The following OGDH variants were observed in gnomAD, a reference collection of about 807,000 sequenced individuals.
OGDH encodes 2-oxoglutarate dehydrogenase complex component E1.
OGDH carries 38 observed loss-of-function variants against 116.6 expected under a neutral mutation model. That is an observed-to-expected ratio of 0.33 (90% CI 0.25 to 0.43). The LOEUF is 0.43. Among genes scored for constraint, OGDH ranks in the 20% least tolerant of loss-of-function variants. OGDH has a pLI of 1.00. For synonymous variants in OGDH, 488 were observed against 533.3 expected (o/e 0.92, Z 1.17); for missense variants, 825 against 1,357.2 (o/e 0.61, Z 6.16).
intron 9 of OGDH, among the ~76,000 whole-genome samples, chr7:44,679,975 C>G (rs147112449): frequency 6.6e-6 from 1 of 152,280 alleles, no homozygotes; most frequent in East Asian, 1.9e-4. Context: ...CTTTGGGAGG[C>G]TGAGGCAAGA....
intron 10 of OGDH, among the ~76,000 whole-genome samples, chr7:44,691,602 T>C (rs1203128552): frequency 6.6e-6 from 1 of 151,112 alleles, no homozygotes; most frequent in Non-Finnish European, 1.5e-5. Context: ...AACAAACCTA[T>C]GTCCAACAGC....
chr7:44,618,880 A>G (rs565352818), intron 1 of OGDH, among the ~76,000 whole-genome samples: 52 of 152,360 alleles, frequency 3.4e-4, no homozygotes, highest in African/African-American at 1.2e-3. Context: ...GGAATCCTGC[A>G]CAGAGAGGCC....
chr7:44,706,391 G>C (rs1389445293), intron 20 of OGDH, among the ~76,000 whole-genome samples: 1 of 147,000 alleles, frequency 6.8e-6, no homozygotes, highest in East Asian at 2.0e-4. Flanking sequence ...GCGCATTCTT[G>C]GCTCACCACA....
At chr7:44,613,788 G>A (rs1784659743) in intron 1 of OGDH, among the ~76,000 whole-genome samples, 1 of 144,586 alleles carries the variant, frequency 6.9e-6, no homozygotes, top group Non-Finnish European at 1.5e-5. Context: ...GAGCCACTGG[G>A]CCCAGCCACC....
At chr7:44,638,273 C>T (rs111282684) in intron 2 of OGDH, among the ~76,000 whole-genome samples, 127 of 152,244 alleles carry the variant, frequency 8.3e-4, no homozygotes, top group African/African-American at 2.8e-3. Flanking sequence ...CACCCACGTA[C>T]GTCATTGTGA....
intron 9 of OGDH, among the ~76,000 whole-genome samples, chr7:44,681,041 A>G (rs575437714): frequency 6.7e-4 from 102 of 152,360 alleles, no homozygotes; most frequent in Non-Finnish European, 1.3e-3. Context: ...TTTAGGAGTA[A>G]TCGAAACTGG....
intron 1 of OGDH, among the ~76,000 whole-genome samples, chr7:44,616,022 C>G (rs1298461245): frequency 1.3e-5 from 2 of 150,996 alleles, no homozygotes; most frequent in African/African-American, 4.9e-5. Context: ...GAGCAAGACC[C>G]TGACAGAAAG....
intron 1 of OGDH, among the ~76,000 whole-genome samples, chr7:44,623,876 C>A (rs1175322922): frequency 6.6e-6 from 1 of 152,164 alleles, no homozygotes; most frequent in Admixed American, 6.5e-5. Flanking sequence ...GATCTCCTGA[C>A]CTCGTGATCC....
intron 18 of OGDH, 48 bp downstream of exon 18, chr7:44,698,311 T>G (rs377133636): frequency 1.9e-6 from 3 of 1,580,046 alleles, no homozygotes; most frequent in Non-Finnish European, 2.6e-6. Context: ...GGGTGTCTGG[T>G]GGGAAACCTG....
chr7:44,691,981 T>TAAA (rs371665967), intron 10 of OGDH, among the ~76,000 whole-genome samples: 3,559 of 102,414 alleles, frequency 0.035, 258 homozygotes, highest in African/African-American at 0.15. Context: ...GACTCTGTCT[T>TAAA]AAAAAAAAAA....
At chr7:44,650,826 TG>T (rs1786406960) in intron 4 of OGDH, among the ~76,000 whole-genome samples, 1 of 152,094 alleles carries the variant, frequency 6.6e-6, no homozygotes, top group Non-Finnish European at 1.5e-5. Flanking sequence ...ACCTGACCAG[TG>T]TGTAGACGGG....
At chr7:44,617,241 A>C (rs1440629140) in intron 1 of OGDH, among the ~76,000 whole-genome samples, 2 of 151,852 alleles carry the variant, frequency 1.3e-5, no homozygotes, top group African/African-American at 4.8e-5. Context: ...CCATTTCTTT[A>C]GTCATAGATA....
chr7:44,683,790 A>G (rs1788024406), intron 10 of OGDH, among the ~76,000 whole-genome samples: 1 of 152,208 alleles, frequency 6.6e-6, no homozygotes, highest in African/African-American at 2.4e-5. Context: ...ATTTCTGCAC[A>G]GGCCTGATAC....
chr7:44,644,876 A>G (rs1786098989), intron 2 of OGDH, among the ~76,000 whole-genome samples: 1 of 152,204 alleles, frequency 6.6e-6, no homozygotes, highest in East Asian at 1.9e-4. Flanking sequence ...CCCACAGAAA[A>G]ACTGGTAGAG....
intron 4 of OGDH, among the ~76,000 whole-genome samples, chr7:44,664,169 A>G (rs551396055): frequency 6.6e-6 from 1 of 152,114 alleles, no homozygotes; most frequent in Non-Finnish European, 1.5e-5. Flanking sequence ...CCTTTTGTAG[A>G]CACTGTTCCC....
intron 13 of OGDH, 28 bp from the exon 14 acceptor site, chr7:44,696,399 GTC>G (rs1193361123): frequency 2.4e-5 from 38 of 1,604,086 alleles, no homozygotes; most frequent in Non-Finnish European, 2.9e-5. Flanking sequence ...TAGAGCAGAT[GTC>G]ATGCCTCAGT....
chr7:44,644,127 C>G (rs1046741280), intron 2 of OGDH, among the ~76,000 whole-genome samples: 1 of 152,196 alleles, frequency 6.6e-6, no homozygotes, highest in Non-Finnish European at 1.5e-5. Flanking sequence ...ATCACTTGAA[C>G]CCGGGAGGTG....
chr7:44,629,057 C>T (rs1377971326), intron 2 of OGDH, among the ~76,000 whole-genome samples: 1 of 152,186 alleles, frequency 6.6e-6, no homozygotes, highest in Non-Finnish European at 1.5e-5. Flanking sequence ...TGAAACCCTC[C>T]TCATTAGGGT....
chr7:44,638,740 C>G (rs984882338), intron 2 of OGDH, among the ~76,000 whole-genome samples: 2 of 152,246 alleles, frequency 1.3e-5, no homozygotes, highest in Non-Finnish European at 2.9e-5. Context: ...CCATCAGCCA[C>G]CAGGTGCCAC....
Sources: gnomAD v4.1 joint callset for allele counts (sites outside exome capture counted in the v4.1 genomes callset) on GRCh38, gnomAD v4.1.1 for gene constraint, MANE v1.5 for transcripts, NCBI Gene and HGNC (gene_info 2026-07-23, HGNC 2026-07-21) for gene names.